The following MDGA2 variants were observed in gnomAD, a reference collection of about 807,000 sequenced individuals.
MDGA2 encodes MAM domain containing glycosylphosphatidylinositol anchor 2.
A neutral mutation model predicts 117.8 loss-of-function variants in MDGA2; 40 were observed. That is an observed-to-expected ratio of 0.34 (90% confidence interval 0.26 to 0.44). The LOEUF (loss-of-function observed/expected upper bound fraction) is 0.44, where lower values mean the gene tolerates loss of function less well. MDGA2 is among the 20% of genes least tolerant of loss of function. MDGA2 has a pLI of 1.00. For synonymous variants in MDGA2, 452 were observed against 439.0 expected, an observed-to-expected ratio of 1.03 and a Z score of -0.37; for missense variants, 1,123 against 1,250.6, an observed-to-expected ratio of 0.90 and a Z score of 1.54.
intron 3 of MDGA2, chr14:47,200,516 CTTTTTTCTTTTT>C: frequency 1.7e-6 from 1 of 605,010 alleles, no homozygotes; most frequent in Non-Finnish European, 2.6e-6. Context: ...TTTTTCTTTT[CTTTTTTCTTTTT>C]CTTTTCTTTT....
chr14:47,379,310 C>T (rs1463826045), intron 1 of MDGA2, among the ~76,000 whole-genome samples: 2 of 152,116 alleles, frequency 1.3e-5, no homozygotes, highest in African/African-American at 4.8e-5. Flanking sequence ...CATCAACTAA[C>T]GAATGAGCAA....
intron 10 of MDGA2, among the ~76,000 whole-genome samples, chr14:46,895,657 G>A (rs529150867): frequency 2.0e-5 from 3 of 152,066 alleles, no homozygotes; most frequent in South Asian, 4.1e-4. Context: ...AACCTGGGAG[G>A]TGGAGGTTGC....
intron 1 of MDGA2, among the ~76,000 whole-genome samples, chr14:47,351,623 T>C (rs908630113): frequency 6.6e-6 from 1 of 152,136 alleles, no homozygotes; most frequent in Non-Finnish European, 1.5e-5. Context: ...TGTATATCCA[T>C]TGCCCCACCT....
intron 12 of MDGA2, among the ~76,000 whole-genome samples, chr14:46,877,155 G>T (rs1042001355): frequency 6.6e-6 from 1 of 151,242 alleles, no homozygotes; most frequent in Non-Finnish European, 1.5e-5. Flanking sequence ...TCAAAGAAAC[G>T]TGTAACAACG....
chr14:47,203,070 A>G (rs1277728162), intron 3 of MDGA2, among the ~76,000 whole-genome samples: 1 of 152,000 alleles, frequency 6.6e-6, no homozygotes, highest in African/African-American at 2.4e-5. Context: ...AAAAAGGAGA[A>G]GAAGAGTAAA....
At chr14:46,875,602 T>TC (rs1313959727) in intron 12 of MDGA2, among the ~76,000 whole-genome samples, 3 of 151,708 alleles carry the variant, frequency 2.0e-5, no homozygotes. Flanking sequence ...CTTTTGATGC[T>TC]ATCAGTTGGA....
chr14:47,480,623 T>C (rs1893933108), intron 1 of MDGA2, among the ~76,000 whole-genome samples: 1 of 151,990 alleles, frequency 6.6e-6, no homozygotes, highest in African/African-American at 2.4e-5. Context: ...TTGCCTTTTT[T>C]TTCAAAAGTG....
At chr14:47,170,100 A>T (rs1323815354) in intron 3 of MDGA2, among the ~76,000 whole-genome samples, 1 of 152,164 alleles carries the variant, frequency 6.6e-6, no homozygotes, top group Non-Finnish European at 1.5e-5. Context: ...ACATGAACAC[A>T]GAGCTCTTCT....
intron 1 of MDGA2, among the ~76,000 whole-genome samples, chr14:47,447,113 A>C (rs1893139623): frequency 6.6e-6 from 1 of 152,162 alleles, no homozygotes. Flanking sequence ...CTTGATACTA[A>C]AATAGCTTCA....
intron 2 of MDGA2, among the ~76,000 whole-genome samples, chr14:47,277,154 C>T (rs73238710): frequency 0.04 from 6,067 of 152,278 alleles, 136 homozygotes; most frequent in African/African-American, 0.049. Flanking sequence ...CCTTGTTTTG[C>T]TTCCTTCCCT....
intron 1 of MDGA2, among the ~76,000 whole-genome samples, chr14:47,553,660 CAT>C (rs1237212863): frequency 1.3e-5 from 2 of 151,946 alleles, no homozygotes; most frequent in East Asian, 3.9e-4. Context: ...TATGTGTATA[CAT>C]ATGTGTGTGA....
chr14:47,097,241 CA>C, intron 5 of MDGA2, 118 bp from the exon 6 acceptor site: 1 of 1,007,886 alleles, frequency 9.9e-7, no homozygotes, highest in South Asian at 1.6e-5. Flanking sequence ...CCTCTTTTGC[CA>C]AAATCATACT....
At chr14:47,602,819 T>C (rs1167008165) in intron 1 of MDGA2, among the ~76,000 whole-genome samples, 1 of 152,172 alleles carries the variant, frequency 6.6e-6, no homozygotes, top group East Asian at 1.9e-4. Flanking sequence ...CGTTGTACTA[T>C]ATAGAGAAAT....
At chr14:47,135,932 G>A (rs1882430660) in intron 4 of MDGA2, among the ~76,000 whole-genome samples, 1 of 152,056 alleles carries the variant, frequency 6.6e-6, no homozygotes, top group Admixed American at 6.6e-5. Context: ...AGCATAAAAT[G>A]AGATAAGATT....
chr14:47,196,475 G>C (rs2139424481), intron 3 of MDGA2, among the ~76,000 whole-genome samples: 1 of 152,182 alleles, frequency 6.6e-6, no homozygotes, highest in African/African-American at 2.4e-5. Flanking sequence ...TTTTTGCAGT[G>C]ATTTAACACC....
chr14:47,025,087 G>A (rs1311660997), intron 8 of MDGA2, among the ~76,000 whole-genome samples: 1 of 152,122 alleles, frequency 6.6e-6, no homozygotes, highest in Non-Finnish European at 1.5e-5. Flanking sequence ...CTTAATATAT[G>A]AAACTATAAT....
intron 7 of MDGA2, among the ~76,000 whole-genome samples, chr14:47,053,250 T>C (rs1237321487): frequency 6.6e-6 from 1 of 151,904 alleles, no homozygotes; most frequent in African/African-American, 2.4e-5. Context: ...TAGCTTTGCT[T>C]CTTATTCTCT....
chr14:47,450,671 G>C (rs1261853923), intron 1 of MDGA2, among the ~76,000 whole-genome samples: 1 of 151,996 alleles, frequency 6.6e-6, no homozygotes, highest in Non-Finnish European at 1.5e-5. Flanking sequence ...GGATCTTCAG[G>C]ACAGTTACAT....
intron 9 of MDGA2, among the ~76,000 whole-genome samples, chr14:46,938,540 C>CA (rs71112472): frequency 0.016 from 423 of 26,922 alleles, 21 homozygotes; most frequent in Middle Eastern, 0.038. Context: ...AAATCCATCT[C>CA]AAAAAAAAAA....
Sources: gnomAD v4.1 joint callset for allele counts (sites outside exome capture counted in the v4.1 genomes callset) on GRCh38, gnomAD v4.1.1 for gene constraint, MANE v1.5 for transcripts, NCBI Gene and HGNC (gene_info 2026-07-23, HGNC 2026-07-21) for gene names.